The following CCNB2 variants were observed in gnomAD, a reference collection of about 807,000 sequenced individuals.
The protein encoded by CCNB2 is cyclin B2.
Under a neutral mutation model 51.1 loss-of-function variants are expected in CCNB2, and 39 were observed. The observed-to-expected ratio is 0.76, with a 90% CI of 0.59 to 1.00. CCNB2 has a LOEUF of 1.00. CCNB2 is among the 50% of genes least tolerant of loss of function. CCNB2 has a pLI of 0.00. For synonymous variants in CCNB2, 174 were observed against 165.5 expected, an observed-to-expected ratio of 1.05 and a Z score of -0.40; for missense variants, 472 against 470.3, an observed-to-expected ratio of 1.00 and a Z score of -0.03.
chr15:59,117,431 G>C, intron 7 of CCNB2, 63 bp downstream of exon 7: 2 of 1,522,716 alleles, frequency 1.3e-6, no homozygotes, highest in Non-Finnish European at 1.8e-6. Flanking sequence ...AATACAAAAG[G>C]CCTTAGCATT....
intron 3 of CCNB2, among the ~76,000 whole-genome samples, chr15:59,108,548 A>G (rs2079245306): frequency 6.6e-6 from 1 of 152,052 alleles, no homozygotes. Flanking sequence ...AATGTCTTTC[A>G]TCTTGTATTT....
chr15:59,122,112 C>G (rs955478387), intron 7 of CCNB2, among the ~76,000 whole-genome samples: 1 of 151,434 alleles, frequency 6.6e-6, no homozygotes, highest in South Asian at 2.1e-4. Flanking sequence ...AGTTGAGACC[C>G]GGTCTTCAAA....
At chr15:59,105,378 T>G (rs2079231257) in intron 1 of CCNB2, 86 bp downstream of exon 1, 1 of 1,431,284 alleles carries the variant, frequency 7.0e-7, no homozygotes, top group South Asian at 1.2e-5. Context: ...TCCGAGCTTC[T>G]CCGTCCCAAC....
chr15:59,118,616 A>G (rs968867555), intron 7 of CCNB2, among the ~76,000 whole-genome samples: 1 of 152,226 alleles, frequency 6.6e-6, no homozygotes, highest in Non-Finnish European at 1.5e-5. Context: ...CCCGGAAGAC[A>G]AAAGTTGCTT....
intron 6 of CCNB2, 48 bp from the exon 7 acceptor site, chr15:59,117,180 C>G (rs766046275): frequency 6.3e-7 from 1 of 1,589,716 alleles, no homozygotes; most frequent in South Asian, 1.1e-5. Context: ...TTTTGCAAGA[C>G]AGTAATTACA....
At chr15:59,117,118 G>A in intron 6 of CCNB2, 110 bp from the exon 7 acceptor site, 1 of 1,168,844 alleles carries the variant, frequency 8.6e-7, no homozygotes, top group South Asian at 1.4e-5. Context: ...AGTAATTCTT[G>A]AGAAGGATAA....
At chr15:59,123,801 T>C in intron 8 of CCNB2, 174 bp downstream of exon 8, 1 of 564,130 alleles carries the variant, frequency 1.8e-6, no homozygotes, top group Admixed American at 3.0e-5. Context: ...GTATGGAGCA[T>C]ACTGATAAAC....
At chr15:59,106,771 AGTT>A (rs2079237242) in intron 1 of CCNB2, among the ~76,000 whole-genome samples, 1 of 152,236 alleles carries the variant, frequency 6.6e-6, no homozygotes, top group Non-Finnish European at 1.5e-5. Flanking sequence ...AAAAAGCTGT[AGTT>A]CTAAAAGATC....
chr15:59,120,798 TATTA>T (rs1335544755), intron 7 of CCNB2, among the ~76,000 whole-genome samples: 2 of 152,304 alleles, frequency 1.3e-5, no homozygotes, highest in East Asian at 1.9e-4. Context: ...CATAGATACT[TATTA>T]ATTCTGTAAC....
rs2079280303 is a variant in CCNB2, at chr15:59,116,718, A to C, written c.626A>C (p.Gln209Pro). ...QVQPVSRKKL[Q>P]LVGITALLLA... Reference sequence around the variant, plus strand: ...CAGCCAGTTTCCCGGAAGAAGCTTCAATTAGTTGGGATTACTGCTCTGCTC... The same window carrying C: ...CAGCCAGTTTCCCGGAAGAAGCTTCCATTAGTTGGGATTACTGCTCTGCTC... Residue 209 changes from glutamine (Q) to proline (P), a missense_variant, in exon 6 of 9, where the codon CAA becomes CCA. Transcript: ENST00000288207. The C allele has an allele frequency of 4.3e-6, 7 of 1,612,144 alleles. No individual in the cohort carries two copies. Among genetic ancestry groups the C allele is most frequent in the Non-Finnish European group, 5.9e-6 (7 of 1,179,690 alleles).
intron 7 of CCNB2, 24 bp downstream of exon 7, chr15:59,117,392 A>G: frequency 1.2e-6 from 2 of 1,607,748 alleles, no homozygotes; most frequent in Non-Finnish European, 1.7e-6. Flanking sequence ...TTAAGAAGAA[A>G]CTAATTAGGC....
chr15:59,121,088 T>C (rs1435356220), intron 7 of CCNB2: 1 of 152,284 alleles, frequency 6.6e-6, no homozygotes, highest in African/African-American at 2.4e-5. Flanking sequence ...AATGGTGTTA[T>C]GGATAGGTAC....
At chr15:59,123,730 A>G in intron 8 of CCNB2, 103 bp downstream of exon 8, 1 of 651,742 alleles carries the variant, frequency 1.5e-6, no homozygotes, top group South Asian at 1.7e-5. Context: ...TAAATATATT[A>G]ATAACATGTG....
intron 5 of CCNB2, 45 bp from the exon 6 acceptor site, chr15:59,116,645 C>T (rs574565044): frequency 3.0e-6 from 4 of 1,351,342 alleles, no homozygotes; most frequent in Non-Finnish European, 4.2e-6. Flanking sequence ...TAAAGCTTCA[C>T]TCTTCTTGTT....
rs755618993 is a variant in CCNB2 at position 59,114,432 on chromosome 15, T to C, written c.268-12T>C. 6.4e-7 allele frequency: 1 copy of C among 1,562,912 alleles called. No individual in the cohort carries two copies. The highest frequency in any genetic ancestry group is 1.2e-5 in the South Asian group (1 of 83,206). ...AGGCTGCTCCTACATGTGCCTAAAT[T>C]TGTTGGTGTAGGGTCCTTCTCCCAC... is the stretch of plus-strand genomic sequence containing the variant. On this transcript the variant is annotated splice_polypyrimidine_tract_variant and intron_variant, in intron 3 of 8. Coordinates refer to ENST00000288207, the MANE Select transcript of CCNB2 (RefSeq NM_004701.4).
intron 6 of CCNB2, 82 bp downstream of exon 6, chr15:59,117,008 AT>A: frequency 8.3e-7 from 1 of 1,208,536 alleles, no homozygotes; most frequent in African/African-American, 1.5e-5. Flanking sequence ...AGGAAAGCTT[AT>A]TTATAGGACG....
At chr15:59,122,182 C>T (rs545707055) in intron 7 of CCNB2, among the ~76,000 whole-genome samples, 6 of 148,840 alleles carry the variant, frequency 4.0e-5, no homozygotes, top group African/African-American at 1.2e-4. Context: ...ATGAAAAAAA[C>T]GTACTTTCGC....
rs201976487 is a variant in CCNB2 at position 59,124,841 on chromosome 15, C to G, written c.1161C>G (p.Val387=). The G allele has an allele frequency of 7.0e-5, 112 of 1,606,610 alleles. No individual in the cohort carries two copies. In the East Asian group the frequency reaches 1.5e-3, roughly 21 times the overall value. The change falls in exon 9 of 9, where the codon GTC becomes GTG. Residue 387 remains valine (V), a synonymous_variant. Transcript: ENST00000288207. The stretch of plus-strand genomic sequence containing the variant: ...TCCCTCAGCTGAACTCAAAAGCCGT[C>G]AAAGACCTTGCCTCCCCACTGATAG... ...SMIPQLNSKA[V]KDLASPLIGR... is the part of the protein sequence containing the mutation.
At chr15:59,113,178 A>C (rs1329553106) in intron 3 of CCNB2, among the ~76,000 whole-genome samples, 2 of 152,200 alleles carry the variant, frequency 1.3e-5, no homozygotes, top group East Asian at 3.8e-4. Flanking sequence ...CTGAGTTGTG[A>C]ACTTGCTCAG....
Sources: gnomAD v4.1 joint callset for allele counts (sites outside exome capture counted in the v4.1 genomes callset) on GRCh38, gnomAD v4.1.1 for gene constraint, MANE v1.5 for transcripts, NCBI Gene and HGNC (gene_info 2026-07-23, HGNC 2026-07-21) for gene names.